CLDN10: variants seen among roughly 807,000 people sequenced by gnomAD.
CLDN10 encodes the protein claudin-10.
Under a neutral mutation model 22.9 loss-of-function variants are expected in CLDN10, and 15 were observed. The observed-to-expected ratio is 0.65, with a 90% CI of 0.44 to 1.01. The LOEUF is 1.01. CLDN10 is among the 50% of genes least tolerant of loss of function. The pLI is 0.00. For missense variants in CLDN10, 247 were observed against 287.8 expected, an observed-to-expected ratio of 0.86 and a Z score of 1.03; for synonymous variants, 114 against 111.4, an observed-to-expected ratio of 1.02 and a Z score of -0.15.
At chr13:95,450,987 T>G (rs2042427208) in intron 1 of CLDN10, among the ~76,000 whole-genome samples, 1 of 152,184 alleles carries the variant, frequency 6.6e-6, no homozygotes, top group Non-Finnish European at 1.5e-5. Flanking sequence ...TGACCTCTTG[T>G]GCTAGGAGCT....
chr13:95,570,562 G>A (rs2043840635), intron 3 of CLDN10, among the ~76,000 whole-genome samples: 1 of 152,046 alleles, frequency 6.6e-6, no homozygotes, highest in Non-Finnish European at 1.5e-5. Flanking sequence ...CTATTAGAGA[G>A]GCAGGTGGTG....
intron 1 of CLDN10, among the ~76,000 whole-genome samples, chr13:95,529,025 A>G (rs2138600502): frequency 6.6e-6 from 1 of 152,266 alleles, no homozygotes; most frequent in Non-Finnish European, 1.5e-5. Context: ...AAAGCTGGGA[A>G]CAATGTTTTT....
intron 4 of CLDN10, among the ~76,000 whole-genome samples, chr13:95,577,571 CTCA>C (rs1319265666): frequency 3.3e-5 from 5 of 152,170 alleles, no homozygotes; most frequent in African/African-American, 1.2e-4. Flanking sequence ...TCACGTTGGC[CTCA>C]TCATAATTTT....
chr13:95,553,276 A>G (rs1298387769), intron 1 of CLDN10, among the ~76,000 whole-genome samples: 1 of 152,158 alleles, frequency 6.6e-6, no homozygotes, highest in Non-Finnish European at 1.5e-5. Context: ...CTGAGAGTCA[A>G]GGAAGCGGCT....
At chr13:95,471,530 G>A (rs551511567) in intron 1 of CLDN10, among the ~76,000 whole-genome samples, 12 of 147,216 alleles carry the variant, frequency 8.2e-5, no homozygotes, top group African/African-American at 3.0e-4. Context: ...TTCGCTCACT[G>A]CAACCTCCAC....
At chr13:95,442,384 C>A (rs2042332479) in intron 1 of CLDN10, among the ~76,000 whole-genome samples, 1 of 152,148 alleles carries the variant, frequency 6.6e-6, no homozygotes, top group South Asian at 2.1e-4. Flanking sequence ...GCCTTTGCTC[C>A]TTTGCTGCGT....
intron 1 of CLDN10, among the ~76,000 whole-genome samples, chr13:95,448,330 C>A (rs2042400682): frequency 6.6e-6 from 1 of 152,176 alleles, no homozygotes; most frequent in South Asian, 2.1e-4. Flanking sequence ...CAGGCACACA[C>A]AGATGTGCAT....
At position 95,465,265 on chromosome 13, in the gene CLDN10, A is replaced by G. The variant is rs576635000; in HGVS notation, c.214+31218A>G. Among the ~76,000 whole-genome samples, 8 of 152,208 alleles carry G rather than the reference A, an allele frequency of 5.3e-5. 1 individual carries two copies. Among genetic ancestry groups the G allele is most frequent in the African/African-American group, 1.2e-4 (5 of 41,550 alleles). Reference sequence around the variant, plus strand: ...TGGGGAAAACCGCCCCCATGATTCAATTATCTCCCACTGGGTCCCTCCCAC... The same window carrying G: ...TGGGGAAAACCGCCCCCATGATTCAGTTATCTCCCACTGGGTCCCTCCCAC... On this transcript the variant is annotated intron_variant, in intron 1 of 4. Coordinates refer to the CLDN10 transcript ENST00000376873.
At chr13:95,554,513 G>A (rs1269651395) in intron 1 of CLDN10, among the ~76,000 whole-genome samples, 2 of 152,174 alleles carry the variant, frequency 1.3e-5, no homozygotes, top group African/African-American at 2.4e-5. Context: ...GGGGCAGATC[G>A]GGCCGGGAGT....
intron 1 of CLDN10, among the ~76,000 whole-genome samples, chr13:95,502,174 G>T (rs1199632359): frequency 6.6e-6 from 1 of 151,386 alleles, no homozygotes; most frequent in African/African-American, 2.4e-5. Context: ...GTGAGAAAAA[G>T]AAGTTTAGCT....
At chr13:95,456,089 A>T (rs1408042789) in intron 1 of CLDN10, among the ~76,000 whole-genome samples, 1 of 152,260 alleles carries the variant, frequency 6.6e-6, no homozygotes, top group Non-Finnish European at 1.5e-5. Flanking sequence ...ATCAGGCCAG[A>T]GGCAGGTACA....
chr13:95,558,220 T>G (rs2043661971), intron 1 of CLDN10, among the ~76,000 whole-genome samples: 1 of 152,178 alleles, frequency 6.6e-6, no homozygotes, highest in African/African-American at 2.4e-5. Flanking sequence ...CCTCACAGGC[T>G]CTCTTCAAAC....
chr13:95,523,198 ACT>A (rs1044416474), intron 1 of CLDN10, among the ~76,000 whole-genome samples: 4 of 151,656 alleles, frequency 2.6e-5, no homozygotes, highest in Admixed American at 2.0e-4. Flanking sequence ...TATAATTTAT[ACT>A]CTTTTACTAG....
chr13:95,441,291 T>G (rs1002136328), intron 1 of CLDN10, among the ~76,000 whole-genome samples: 3 of 152,202 alleles, frequency 2.0e-5, no homozygotes, highest in African/African-American at 7.2e-5. Flanking sequence ...GGTCTTGCTC[T>G]GTCTCCCAGG....
chr13:95,524,598 A>G (rs1373749437), intron 1 of CLDN10, among the ~76,000 whole-genome samples: 1 of 152,178 alleles, frequency 6.6e-6, no homozygotes, highest in Non-Finnish European at 1.5e-5. Flanking sequence ...GGCTATTGTG[A>G]ATAATACTGC....
rs1362214923 is a variant in CLDN10 at position 95,560,801 on chromosome 13, G to A, written c.464+338G>A. The A allele has an allele frequency of 1.0e-4, 22 of 211,282 alleles. No individual in the cohort carries two copies. In the South Asian group the frequency reaches 1.5e-3, roughly 15 times the overall value. The allele number at this position is 211,282 out of a possible 1,614,324, so 13.1% of individuals were successfully genotyped here. Reference sequence around the variant, plus strand: ...GAGAGGAAAGAATGATGCGGTGTGCGAATAGAAAATTAAAACCTTGCCTTG... The same window carrying A: ...GAGAGGAAAGAATGATGCGGTGTGCAAATAGAAAATTAAAACCTTGCCTTG... On this transcript the variant is annotated intron_variant, in intron 3 of 4. Coordinates refer to ENST00000299339, the MANE Select transcript of CLDN10 (RefSeq NM_006984.5).
chr13:95,497,924 A>T (rs2138531288), intron 1 of CLDN10, among the ~76,000 whole-genome samples: 1 of 152,382 alleles, frequency 6.6e-6, no homozygotes. Flanking sequence ...GGTTTAGGAC[A>T]TTGAGAAGGT....
chr13:95,551,895 AT>A (rs1398984775), upstream of CLDN10, among the ~76,000 whole-genome samples: 3 of 152,122 alleles, frequency 2.0e-5, no homozygotes, highest in East Asian at 1.9e-4. Flanking sequence ...TTAAAAAAAA[AT>A]AAAAGACAAG....
chr13:95,547,559 T>C (rs2043522591), intron 1 of CLDN10, among the ~76,000 whole-genome samples: 2 of 152,228 alleles, frequency 1.3e-5, no homozygotes, highest in South Asian at 4.1e-4. Context: ...ATATACATTG[T>C]CTCTATTCTT....
Sources: gnomAD v4.1 joint callset for allele counts (sites outside exome capture counted in the v4.1 genomes callset) on GRCh38, gnomAD v4.1.1 for gene constraint, MANE v1.5 for transcripts, NCBI Gene and HGNC (gene_info 2026-07-23, HGNC 2026-07-21) for gene names.